The following CPQ variants were observed in gnomAD, a reference collection of about 807,000 sequenced individuals.
CPQ encodes Ser-Met dipeptidase.
CPQ carries 37 observed loss-of-function variants against 45.7 expected under a neutral mutation model. That is an observed-to-expected ratio of 0.81 (90% CI 0.62 to 1.07). The LOEUF is 1.07. CPQ is among the 50% of genes least tolerant of loss of function. CPQ has a pLI of 0.00. For synonymous variants in CPQ, 186 were observed against 205.8 expected (o/e 0.90, Z 0.82); for missense variants, 537 against 572.9 (o/e 0.94, Z 0.64).
At position 96,842,785 on chromosome 8, in the gene CPQ, C is replaced by A. The variant is rs556561782; in HGVS notation, c.641+7605C>A. Among the ~76,000 whole-genome samples, 4 of 152,294 alleles carry A rather than the reference C, an allele frequency of 2.6e-5. No homozygotes were observed. The South Asian group carries it at 8.3e-4, about 32-fold the overall frequency. ...CATTCTGGAGACTCCATGCCTGTGT[C>A]TTTGTTCAGCCACTTGCCAGATGTG... On this transcript the variant is annotated intron_variant, in intron 3 of 7. Transcript: ENST00000220763.
rs146816625 is a variant in CPQ at position 97,071,878 on chromosome 8, G to A, written c.1255+5668G>A. ...ACGTTGGTTCTTTACATCTTTCCAT[G>A]TTGCCATTCTCAGCATGTAGACTTT... On this transcript the variant is annotated intron_variant, in intron 7 of 7. Coordinates refer to ENST00000220763, the MANE Select transcript of CPQ (RefSeq NM_016134.4). 5.2e-3 allele frequency among the ~76,000 whole-genome samples: 790 copies of A among 152,222 alleles called. 3 individuals are homozygous for A. Among genetic ancestry groups the A allele is most frequent in the Non-Finnish European group, 7.9e-3 (535 of 67,998 alleles).
At chr8:96,959,797 C>T (rs1813421528) in intron 4 of CPQ, among the ~76,000 whole-genome samples, 1 of 150,788 alleles carries the variant, frequency 6.6e-6, no homozygotes, top group Non-Finnish European at 1.5e-5. Context: ...AAACTTTGTA[C>T]CCCTAAGACT....
intron 1 of CPQ, among the ~76,000 whole-genome samples, chr8:96,664,687 C>T (rs1050009447): frequency 1.3e-5 from 2 of 152,100 alleles, no homozygotes; most frequent in South Asian, 2.1e-4. Context: ...AGGGTAAAGG[C>T]GTCCTAAGGT....
intron 5 of CPQ, among the ~76,000 whole-genome samples, chr8:96,992,667 CAA>C (rs1296926577): frequency 6.6e-6 from 1 of 151,978 alleles, no homozygotes; most frequent in African/African-American, 2.4e-5. Context: ...AGTTAATGAG[CAA>C]AGAGTCTGGC....
chr8:96,764,293 A>T (rs1473340703), intron 1 of CPQ, among the ~76,000 whole-genome samples: 2 of 152,224 alleles, frequency 1.3e-5, no homozygotes, highest in Non-Finnish European at 2.9e-5. Context: ...ATGCTAAATG[A>T]TTCCATTTGT....
At position 96,835,080 on chromosome 8, in the gene CPQ, T is replaced by C; in HGVS notation, c.541T>C (p.Ser181Pro). ...VVYNQPYINY[S>P]RTVQYRTQGA... ...TTATAACCAACCTTACATCAACTAC[T>C]CAAGGACGGTGCAATACCGAACGCA... The change falls in exon 3 of 8, where the codon TCA becomes CCA. Residue 181 changes from serine to proline, a missense_variant. Physicochemically the swap from Ser to Pro is moderately conservative, Grantham distance 74. Transcript: ENST00000220763. 4 of 1,613,100 alleles carry C rather than the reference T, an allele frequency of 2.5e-6. No individual in the cohort carries two copies. Among genetic ancestry groups the C allele is most frequent in the Non-Finnish European group, 3.4e-6 (4 of 1,179,532 alleles).
intron 1 of CPQ, among the ~76,000 whole-genome samples, chr8:96,737,798 A>G (rs183726090): frequency 7.0e-4 from 106 of 152,264 alleles, no homozygotes; most frequent in Non-Finnish European, 1.3e-3. Context: ...TATTATAAGT[A>G]TTTAAGGCTA....
chr8:97,046,401 G>C (rs147276068), intron 6 of CPQ, among the ~76,000 whole-genome samples: 1 of 151,958 alleles, frequency 6.6e-6, no homozygotes. Flanking sequence ...TGGTTTCAGG[G>C]TTGTCTTAAA....
chr8:96,924,522 G>T lies in CPQ; in HGVS notation c.850-41413G>T, dbSNP rs1586453683. ...TTGAAAAGAATATTTTGCAACTCTT[G>T]TGCATTGATTTTTTTTTACCAAGAA... On this transcript the variant is annotated intron_variant, in intron 4 of 7. Transcript: ENST00000220763. 2.0e-5 allele frequency among the ~76,000 whole-genome samples: 3 copies of T among 151,764 alleles called. No individual in the cohort carries two copies. The East Asian group carries it at 5.8e-4, about 29-fold the overall frequency.
chr8:96,870,566 T>C (rs1168853746), intron 3 of CPQ, among the ~76,000 whole-genome samples: 2 of 152,014 alleles, frequency 1.3e-5, no homozygotes, highest in East Asian at 3.9e-4. Context: ...CAGTTCTGTC[T>C]TTGTCAGCTT....
At chr8:96,943,612 T>C (rs1350915084) in intron 4 of CPQ, among the ~76,000 whole-genome samples, 1 of 152,136 alleles carries the variant, frequency 6.6e-6, no homozygotes, top group African/African-American at 2.4e-5. Context: ...GTCCTCTTGG[T>C]TTATTTAAGT....
At chr8:96,821,146 T>G (rs1811301497) in intron 2 of CPQ, among the ~76,000 whole-genome samples, 1 of 149,188 alleles carries the variant, frequency 6.7e-6, no homozygotes, top group Admixed American at 6.7e-5. Flanking sequence ...TTTTTTTTTT[T>G]TTTTTGCTAT....
At chr8:96,875,064 C>T (rs1812127967) in intron 3 of CPQ, among the ~76,000 whole-genome samples, 1 of 151,840 alleles carries the variant, frequency 6.6e-6, no homozygotes, top group African/African-American at 2.4e-5. Context: ...TTTTGATTTG[C>T]ATTTCCTTTA....
rs771731740 is a variant in CPQ, at chr8:97,057,517, C to T, written c.1054-8492C>T. ...TGAGAGCTCAGTAATACATCAATCA[C>T]GCTCTCACATTGGCAGCCACAAGCT... is the stretch of plus-strand genomic sequence containing the variant. On this transcript the variant is annotated intron_variant, in intron 6 of 7. Coordinates refer to ENST00000220763, the MANE Select transcript of CPQ (RefSeq NM_016134.4). Among the ~76,000 whole-genome samples the T allele has an allele frequency of 5.5e-4, 83 of 152,244 alleles. 1 individual carries two copies. The highest frequency in any genetic ancestry group is 2.0e-3 in the Admixed American group (30 of 15,276).
At chr8:96,678,021 G>A (rs112024595) in intron 1 of CPQ, among the ~76,000 whole-genome samples, 4,252 of 151,848 alleles carry the variant, frequency 0.028, 174 homozygotes, top group African/African-American at 0.085. Context: ...ATTCTGTTCC[G>A]TCGGTCTACA....
chr8:97,017,180 C>T (rs921008513), intron 5 of CPQ, among the ~76,000 whole-genome samples: 1 of 152,118 alleles, frequency 6.6e-6, no homozygotes, highest in Non-Finnish European at 1.5e-5. Flanking sequence ...GAGAAGATTC[C>T]GACCTTACAT....
intron 7 of CPQ, among the ~76,000 whole-genome samples, chr8:97,093,592 C>T (rs1811160597): frequency 6.6e-6 from 1 of 151,936 alleles, no homozygotes; most frequent in African/African-American, 2.4e-5. Context: ...GAGAAAAGAC[C>T]CCACTGTGAC....
intron 1 of CPQ, among the ~76,000 whole-genome samples, chr8:96,683,812 T>C (rs1412646887): frequency 6.6e-6 from 1 of 151,774 alleles, no homozygotes; most frequent in African/African-American, 2.4e-5. Context: ...TTTTCTGTGC[T>C]TGGTATACTC....
chr8:96,967,674 A>G (rs986720835), intron 5 of CPQ, among the ~76,000 whole-genome samples: 1 of 152,222 alleles, frequency 6.6e-6, no homozygotes, highest in Non-Finnish European at 1.5e-5. Context: ...AAGATTTCTG[A>G]AAGTCTATGT....
Sources: gnomAD v4.1 joint callset for allele counts (sites outside exome capture counted in the v4.1 genomes callset) on GRCh38, gnomAD v4.1.1 for gene constraint, MANE v1.5 for transcripts, NCBI Gene and HGNC (gene_info 2026-07-23, HGNC 2026-07-21) for gene names.